Variants in ITPRID1 observed in about 807,000 individuals in gnomAD.
ITPRID1 encodes the protein ITPR interacting domain containing 1, also known as protein ITPRID1.
A neutral mutation model predicts 95.4 loss-of-function variants in ITPRID1; 96 were observed. That is an observed-to-expected ratio of 1.01 (90% confidence interval 0.85 to 1.19). ITPRID1 has a LOEUF of 1.19. ITPRID1 is among the 50% of genes most tolerant of loss of function. ITPRID1 has a pLI of 0.00. For missense variants in ITPRID1, 1,339 were observed against 1,252.9 expected (o/e 1.07, Z -1.04); for synonymous variants, 510 against 453.6 (o/e 1.12, Z -1.58).
intron 2 of ITPRID1, among the ~76,000 whole-genome samples, chr7:31,551,038 T>C (rs1784270462): frequency 7.0e-6 from 1 of 143,738 alleles, no homozygotes. Flanking sequence ...TGAAACTCAC[T>C]TTCAGCCAAA....
At chr7:31,563,331 G>A (rs966774317) in intron 5 of ITPRID1, among the ~76,000 whole-genome samples, 2 of 152,152 alleles carry the variant, frequency 1.3e-5, no homozygotes, top group Non-Finnish European at 2.9e-5. Flanking sequence ...GGGAGCAATG[G>A]TAGAAATGTT....
Position 31,606,446 on chromosome 7 carries a change from CAG to C in ITPRID1, c.1228+23257_1228+23258del, listed in dbSNP as rs1786627086. 1.2e-4 allele frequency among the ~76,000 whole-genome samples: 12 copies of C among 100,922 alleles called. No homozygotes were observed. In the South Asian group the frequency reaches 5.5e-3, roughly 46 times the overall value. 66.2% of individuals were successfully genotyped at this position (100,922 alleles called of 152,430 possible). Reference sequence around the variant, plus strand: ...TAAATATCTTCATAGTGAAGTGACACAGAAAAGAAAACGAGAGAGAGAGAGAG... The same window carrying C: ...TAAATATCTTCATAGTGAAGTGACACAAAAGAAAACGAGAGAGAGAGAGAG... On this transcript the variant is annotated intron_variant, in intron 10 of 14. Coordinates refer to ENST00000615280, the MANE Select transcript of ITPRID1 (RefSeq NM_001257967.3).
In ITPRID1 at chr7:31,596,278, C is replaced by T. The variant is rs146876105; in HGVS notation, c.1228+13087C>T. ...AGAAAAAATTGCTATATGACTGGTT[C>T]TTTCAGTTTTTCAAGAAATAGATAA... On this transcript the variant is annotated intron_variant, in intron 10 of 14. Coordinates refer to ENST00000615280, the MANE Select transcript of ITPRID1 (RefSeq NM_001257967.3). Among the ~76,000 whole-genome samples the T allele has an allele frequency of 8.1e-3, 1,222 of 151,462 alleles. 18 individuals carry two copies. Among genetic ancestry groups the T allele is most frequent in the African/African-American group, 0.028 (1,144 of 41,502 alleles).
intron 1 of ITPRID1, among the ~76,000 whole-genome samples, chr7:31,545,713 C>A (rs1784075615): frequency 6.6e-6 from 1 of 152,162 alleles, no homozygotes; most frequent in Admixed American, 6.6e-5. Context: ...GAGTGAGCAC[C>A]CTTCACATAT....
At chr7:31,640,775 A>AT (rs1373659015) in intron 10 of ITPRID1, among the ~76,000 whole-genome samples, 3 of 151,534 alleles carry the variant, frequency 2.0e-5, no homozygotes, top group Non-Finnish European at 4.4e-5. Context: ...AATATTTTCT[A>AT]TTTTTTTACC....
intron 8 of ITPRID1, among the ~76,000 whole-genome samples, chr7:31,575,645 T>G (rs1275550111): frequency 6.6e-6 from 1 of 152,186 alleles, no homozygotes; most frequent in Non-Finnish European, 1.5e-5. Flanking sequence ...GGAGAAGCAT[T>G]GAGGAAGACC....
intron 10 of ITPRID1, among the ~76,000 whole-genome samples, chr7:31,637,776 A>G (rs1265931630): frequency 1.3e-5 from 2 of 152,136 alleles, no homozygotes; most frequent in Non-Finnish European, 2.9e-5. Context: ...TTTTGTTGCC[A>G]TTGCTTTTAG....
At chr7:31,529,904 C>A in intron 1 of ITPRID1, 3 of 1,130,138 alleles carry the variant, frequency 2.7e-6, no homozygotes, top group Non-Finnish European at 3.8e-6. Flanking sequence ...CTCTCATTTT[C>A]TCTCAGTTGG....
chr7:31,624,871 C>T (rs1366735082), intron 10 of ITPRID1, among the ~76,000 whole-genome samples: 1 of 152,166 alleles, frequency 6.6e-6, no homozygotes, highest in Non-Finnish European at 1.5e-5. Flanking sequence ...GCAACCTATT[C>T]ATCTGACAAA....
chr7:31,649,039 C>T (rs112087297), intron 12 of ITPRID1, among the ~76,000 whole-genome samples: 2,519 of 152,238 alleles, frequency 0.017, 79 homozygotes, highest in African/African-American at 0.057. Flanking sequence ...TCAGAGATTC[C>T]CTAAGTGTTT....
In ITPRID1 at chr7:31,548,483, C is replaced by G. The variant is rs10244226; in HGVS notation, c.-97-943C>G. ...AATGAAAGAGCCATAGCTTGAGGAA[C>G]CATATCCCAGTTTCAGTTAGAGAAA... On this transcript the variant is annotated intron_variant, in intron 1 of 14. Coordinates refer to ENST00000615280, the MANE Select transcript of ITPRID1 (RefSeq NM_001257967.3). Among the ~76,000 whole-genome samples, 448 of 152,210 alleles carry G rather than the reference C, an allele frequency of 2.9e-3. 1 individual carries two copies. Among genetic ancestry groups the G allele is most frequent in the African/African-American group, 0.011 (437 of 41,542 alleles).
chr7:31,629,210 G>A (rs1198530902), intron 10 of ITPRID1, among the ~76,000 whole-genome samples: 1 of 152,090 alleles, frequency 6.6e-6, no homozygotes, highest in Non-Finnish European at 1.5e-5. Context: ...AATCGGATCT[G>A]CCCTCCTTTT....
At chr7:31,585,085 A>G (rs1473179603) in intron 10 of ITPRID1, among the ~76,000 whole-genome samples, 1 of 152,198 alleles carries the variant, frequency 6.6e-6, no homozygotes, top group Non-Finnish European at 1.5e-5. Flanking sequence ...GCCATCTTTG[A>G]TGTCTGGCCC....
At chr7:31,633,990 C>T (rs1256955154) in intron 10 of ITPRID1, among the ~76,000 whole-genome samples, 1 of 152,060 alleles carries the variant, frequency 6.6e-6, no homozygotes, top group Non-Finnish European at 1.5e-5. Flanking sequence ...CTTTTATTAC[C>T]AGACCAGCCC....
intron 1 of ITPRID1, among the ~76,000 whole-genome samples, chr7:31,525,584 A>G: frequency 6.6e-6 from 1 of 152,190 alleles, no homozygotes; most frequent in Non-Finnish European, 1.5e-5. Flanking sequence ...GCAGCATTTG[A>G]TTTGGATCTT....
chr7:31,514,936 T>C (rs1783000361), intron 1 of ITPRID1, among the ~76,000 whole-genome samples: 1 of 151,906 alleles, frequency 6.6e-6, no homozygotes, highest in South Asian at 2.1e-4. Flanking sequence ...CAGGTACCTT[T>C]ATTAAGTCAT....
chr7:31,518,379 T>C (rs959664444), intron 1 of ITPRID1: 42 of 152,202 alleles, frequency 2.8e-4, no homozygotes, highest in African/African-American at 9.9e-4. Context: ...TTGTGATAAT[T>C]TGTTATACCA....
intron 10 of ITPRID1, among the ~76,000 whole-genome samples, chr7:31,593,465 T>C (rs1247898604): frequency 6.6e-6 from 1 of 152,156 alleles, no homozygotes; most frequent in Non-Finnish European, 1.5e-5. Context: ...TGGAAATACA[T>C]AGGCAGTTCA....
At chr7:31,574,166 G>A (rs1002265576) in intron 7 of ITPRID1, among the ~76,000 whole-genome samples, 32 of 92,910 alleles carry the variant, frequency 3.4e-4, no homozygotes, top group African/African-American at 1.3e-3. Context: ...CAGTTTTGTG[G>A]GATTTTTTTT....
Sources: gnomAD v4.1 joint callset for allele counts (sites outside exome capture counted in the v4.1 genomes callset) on GRCh38, gnomAD v4.1.1 for gene constraint, MANE v1.5 for transcripts, NCBI Gene and HGNC (gene_info 2026-07-23, HGNC 2026-07-21) for gene names.